Variants in FOXN3 observed in about 807,000 individuals in gnomAD.
The protein encoded by FOXN3 is forkhead box protein N3.
Under a neutral mutation model 38.4 loss-of-function variants are expected in FOXN3, and 7 were observed. That is an observed-to-expected ratio of 0.18 (90% CI 0.10 to 0.34). The LOEUF (loss-of-function observed/expected upper bound fraction) is 0.34. Among genes scored for constraint, FOXN3 ranks in the 10% least tolerant of loss-of-function variants. The probability of loss-of-function intolerance (pLI) is 1.00; values close to 1 mark genes in which losing one functional copy is unlikely to be tolerated. For missense variants in FOXN3, 456 were observed against 613.4 expected, an observed-to-expected ratio of 0.74 and a Z score of 2.71; for synonymous variants, 230 against 242.2, an observed-to-expected ratio of 0.95 and a Z score of 0.47.
intron 3 of FOXN3, among the ~76,000 whole-genome samples, chr14:89,325,227 C>CACCACCACCACT (rs1888019221): frequency 6.8e-6 from 1 of 148,002 alleles, no homozygotes; most frequent in Non-Finnish European, 1.5e-5. Context: ...CCACCACCAC[C>CACCACCACCACT]ACCATCACTA....
At chr14:89,550,086 C>T (rs1894971428) in intron 1 of FOXN3, among the ~76,000 whole-genome samples, 1 of 152,198 alleles carries the variant, frequency 6.6e-6, no homozygotes, top group South Asian at 2.1e-4. Flanking sequence ...CAAGCAAACA[C>T]CAGTACTCTA....
intron 3 of FOXN3, among the ~76,000 whole-genome samples, chr14:89,323,047 G>A (rs1301320095): frequency 6.6e-6 from 1 of 152,062 alleles, no homozygotes; most frequent in African/African-American, 2.4e-5. Flanking sequence ...CCAGCACTTT[G>A]GGAGGCCAAG....
chr14:89,557,979 C>A (rs969220690), intron 1 of FOXN3, among the ~76,000 whole-genome samples: 1 of 152,088 alleles, frequency 6.6e-6, no homozygotes, highest in Non-Finnish European at 1.5e-5. Context: ...GCACTCCAGC[C>A]TAGGCGACAG....
chr14:89,369,560 T>TAAA (rs1223526368), intron 2 of FOXN3, among the ~76,000 whole-genome samples: 8 of 150,546 alleles, frequency 5.3e-5, no homozygotes, highest in Non-Finnish European at 1.0e-4. Context: ...TTTTTTTTTT[T>TAAA]AAAAAAGAGG....
chr14:89,441,472 A>C (rs1892381549), intron 1 of FOXN3, among the ~76,000 whole-genome samples: 1 of 152,206 alleles, frequency 6.6e-6, no homozygotes, highest in Admixed American at 6.5e-5. Context: ...GAACACAGGG[A>C]ACCAACGGAA....
At chr14:89,477,119 TG>T (rs951230848) in intron 1 of FOXN3, among the ~76,000 whole-genome samples, 1 of 152,148 alleles carries the variant, frequency 6.6e-6, no homozygotes, top group African/African-American at 2.4e-5. Context: ...TGCCTTAGAC[TG>T]GGGGAACACT....
At chr14:89,483,429 G>C (rs778675945) in intron 1 of FOXN3, among the ~76,000 whole-genome samples, 6 of 152,074 alleles carry the variant, frequency 3.9e-5, no homozygotes, top group Non-Finnish European at 7.4e-5. Context: ...CTTTTTTTAA[G>C]ACAGAGTCTC....
intron 1 of FOXN3, among the ~76,000 whole-genome samples, chr14:89,459,774 C>T (rs185591003): frequency 1.3e-3 from 201 of 152,202 alleles, no homozygotes; most frequent in African/African-American, 4.3e-3. Context: ...TCCATAAACC[C>T]GGAACCCTTT....
At chr14:89,299,712 G>A (rs529474624) in intron 3 of FOXN3, among the ~76,000 whole-genome samples, 5 of 152,276 alleles carry the variant, frequency 3.3e-5, no homozygotes, top group African/African-American at 9.6e-5. Flanking sequence ...GGACTGGAGG[G>A]ACTCTGAGAC....
intron 3 of FOXN3, among the ~76,000 whole-genome samples, chr14:89,344,340 G>C (rs557773379): frequency 2.8e-4 from 43 of 151,078 alleles, no homozygotes; most frequent in Admixed American, 2.4e-3. Flanking sequence ...CATCATGGAG[G>C]CCAAAGGTAC....
exon 1 of FOXN3, chr14:89,619,106 G>C (rs1896548866): frequency 6.6e-6 from 1 of 151,750 alleles, no homozygotes; most frequent in South Asian, 2.1e-4. Context: ...GGGTGGCCCC[G>C]CCGCCGGGTC....
At chr14:89,177,781 C>T (rs1053155582) in intron 5 of FOXN3, among the ~76,000 whole-genome samples, 3 of 152,120 alleles carry the variant, frequency 2.0e-5, no homozygotes, top group African/African-American at 7.2e-5. Flanking sequence ...ACTGTGTTCC[C>T]TTAGGGGCAC....
chr14:89,444,365 T>A (rs1015043446), intron 1 of FOXN3, among the ~76,000 whole-genome samples: 1 of 152,028 alleles, frequency 6.6e-6, no homozygotes, highest in East Asian at 1.9e-4. Flanking sequence ...TGTTTTACTA[T>A]CTGTTAATCA....
rs80104536 is a variant in FOXN3 at position 89,340,705 on chromosome 14, G to A, written c.680+9967C>T. Among the ~76,000 whole-genome samples the A allele has an allele frequency of 2.0e-5, 3 of 152,126 alleles. No homozygotes were observed. The South Asian group carries it at 6.2e-4, about 32-fold the overall frequency. On this transcript the variant is annotated intron_variant, in intron 3 of 5. Transcript: ENST00000557258. ...CATCAATTCAGTGGATAAACAATAG[G>A]GGGGAGGTTGGGATGATTTGATGGA...
intron 4 of FOXN3, among the ~76,000 whole-genome samples, chr14:89,183,680 G>T (rs1887731560): frequency 1.3e-5 from 1 of 79,774 alleles, no homozygotes; most frequent in African/African-American, 5.4e-5. Context: ...TTTTAATGAT[G>T]CAGAATGTGC....
intron 1 of FOXN3, among the ~76,000 whole-genome samples, chr14:89,522,854 C>T (rs1040369859): frequency 2.0e-5 from 3 of 150,886 alleles, no homozygotes; most frequent in Non-Finnish European, 4.4e-5. Context: ...CAGTTTAAAC[C>T]CAATCAAATC....
At chr14:89,190,568 T>C in intron 4 of FOXN3, 2 of 709,030 alleles carry the variant, frequency 2.8e-6, no homozygotes, top group South Asian at 4.3e-5. Flanking sequence ...ATCCAGCAAC[T>C]GGATGAGCTA....
chr14:89,464,600 T>G (rs918283541), intron 1 of FOXN3, among the ~76,000 whole-genome samples: 8 of 152,190 alleles, frequency 5.3e-5, no homozygotes, highest in Admixed American at 6.5e-5. Flanking sequence ...TCATCTTGAA[T>G]TGCAGTTCTC....
chr14:89,549,584 C>T (rs543435641), intron 1 of FOXN3, among the ~76,000 whole-genome samples: 25 of 152,188 alleles, frequency 1.6e-4, no homozygotes, highest in African/African-American at 5.5e-4. Flanking sequence ...AAGAACAAAC[C>T]CCAAATCTTA....
Sources: gnomAD v4.1 joint callset for allele counts (sites outside exome capture counted in the v4.1 genomes callset) on GRCh38, gnomAD v4.1.1 for gene constraint, MANE v1.5 for transcripts, NCBI Gene and HGNC (gene_info 2026-07-23, HGNC 2026-07-21) for gene names.